Variants in LDLRAD4 observed in about 807,000 individuals in gnomAD.
LDLRAD4 encodes low-density lipoprotein receptor class A domain-containing protein 4.
A neutral mutation model predicts 17.0 loss-of-function variants in LDLRAD4; 5 were observed. The ratio of observed to expected loss-of-function variants is 0.29; its 90% CI spans 0.15 to 0.62. LDLRAD4 has a LOEUF of 0.62. Ranked by LOEUF, LDLRAD4 falls within the 20% of genes least tolerant of loss-of-function variation. The pLI, the probability that LDLRAD4 is intolerant of heterozygous loss-of-function variation, is 0.84. For synonymous variants in LDLRAD4, 168 were observed against 171.8 expected, an observed-to-expected ratio of 0.98 and a Z score of 0.17; for missense variants, 340 against 424.7, an observed-to-expected ratio of 0.80 and a Z score of 1.75.
At position 13,621,008 on chromosome 18, in the gene LDLRAD4, C is replaced by A. The variant is rs116609760; in HGVS notation, c.182-109C>A. 8 of 1,455,536 alleles carry A rather than the reference C, an allele frequency of 5.5e-6. No homozygotes were observed. Among genetic ancestry groups the A allele is most frequent in the Admixed American group, 3.4e-5 (2 of 58,546 alleles). The allele number at this position is 1,455,536 out of a possible 1,614,324, so 90.2% of individuals were successfully genotyped here. On this transcript the variant is annotated intron_variant, in intron 3 of 5. Transcript: ENST00000359446. The surrounding 1 kb of genome is among the most constrained non-coding windows in gnomAD (Gnocchi z 5.5). ...GTCCTGCTGGCCTCTGAGGAACAGA[C>A]GTGTGTGAGAGGCCTTCAGGGCCTG...
chr18:13,410,988 C>T lies in LDLRAD4; in HGVS notation c.40+23226C>T, dbSNP rs140098077. On this transcript the variant is annotated intron_variant, in intron 2 of 5. Transcript: ENST00000359446. Reference sequence around the variant, plus strand: ...AATACGGGCCAGGTGCGGTGGCTTACGCCTATAATCCCAGCACTTTGGGAG... The same window carrying T: ...AATACGGGCCAGGTGCGGTGGCTTATGCCTATAATCCCAGCACTTTGGGAG... Among the ~76,000 whole-genome samples the T allele has an allele frequency of 8.4e-4, 128 of 152,280 alleles. 3 individuals are homozygous for T. The East Asian group carries it at 0.019, about 23-fold the overall frequency.
chr18:13,541,390 T>A (rs2094280752), intron 3 of LDLRAD4, among the ~76,000 whole-genome samples: 1 of 152,174 alleles, frequency 6.6e-6, no homozygotes, highest in South Asian at 2.1e-4. Context: ...TCTATACTGT[T>A]CAGTGGAAAA....
chr18:13,572,132 A>T (rs1257254775), intron 3 of LDLRAD4, among the ~76,000 whole-genome samples: 1 of 152,238 alleles, frequency 6.6e-6, no homozygotes, highest in African/African-American at 2.4e-5. Context: ...AAACAGCGTT[A>T]CCCGAGGACT....
At chr18:13,554,949 A>C (rs2094469662) in intron 3 of LDLRAD4, among the ~76,000 whole-genome samples, 1 of 152,210 alleles carries the variant, frequency 6.6e-6, no homozygotes, top group East Asian at 1.9e-4. Context: ...CGTTGGCGTT[A>C]CAGTGCTATA....
chr18:13,429,512 T>A (rs1354196167), intron 2 of LDLRAD4, among the ~76,000 whole-genome samples: 1 of 152,238 alleles, frequency 6.6e-6, no homozygotes, highest in Admixed American at 6.5e-5. Context: ...AAGTTACCTG[T>A]CATTTGAATG....
At chr18:13,379,928 T>TGGGGGAGATCCCTG (rs2085210230) in intron 1 of LDLRAD4, among the ~76,000 whole-genome samples, 1 of 151,820 alleles carries the variant, frequency 6.6e-6, no homozygotes, top group Admixed American at 6.6e-5. Flanking sequence ...AAAGCTGGAG[T>TGGGGGAGATCCCTG]GGGGGAGATC....
At chr18:13,291,815 A>T (rs992412693) in intron 1 of LDLRAD4, among the ~76,000 whole-genome samples, 1 of 152,056 alleles carries the variant, frequency 6.6e-6, no homozygotes. Flanking sequence ...TTTCTTGAAG[A>T]TTGTGCTTTT....
chr18:13,299,543 A>T (rs2046461967), intron 1 of LDLRAD4, among the ~76,000 whole-genome samples: 1 of 152,208 alleles, frequency 6.6e-6, no homozygotes, highest in Non-Finnish European at 1.5e-5. Context: ...CTGGTGTGAC[A>T]CTTAAAAGTG....
intron 1 of LDLRAD4, among the ~76,000 whole-genome samples, chr18:13,230,547 T>G (rs1480451835): frequency 6.6e-6 from 1 of 152,052 alleles, no homozygotes; most frequent in African/African-American, 2.4e-5. Context: ...ACCTGTGTGC[T>G]TAGACATTTT....
At chr18:13,237,411 T>C (rs2042390176) in intron 1 of LDLRAD4, among the ~76,000 whole-genome samples, 1 of 152,198 alleles carries the variant, frequency 6.6e-6, no homozygotes, top group Non-Finnish European at 1.5e-5. Context: ...CTAGTTCATA[T>C]ACTTAGTACC....
intron 1 of LDLRAD4, among the ~76,000 whole-genome samples, chr18:13,252,606 G>A (rs1381560292): frequency 6.6e-6 from 1 of 152,210 alleles, no homozygotes; most frequent in East Asian, 1.9e-4. Flanking sequence ...CGAGGTTGGT[G>A]CTGCAGCTGC....
upstream of LDLRAD4, among the ~76,000 whole-genome samples, chr18:13,274,071 C>T (rs1377274169): frequency 6.6e-6 from 1 of 152,198 alleles, no homozygotes; most frequent in African/African-American, 2.4e-5. Flanking sequence ...CTTCTCTCCT[C>T]AGCGAGCGGC....
chr18:13,482,736 G>A (rs2093124040), intron 3 of LDLRAD4, among the ~76,000 whole-genome samples: 1 of 152,210 alleles, frequency 6.6e-6, no homozygotes, highest in Non-Finnish European at 1.5e-5. Context: ...CCCTGGGGGA[G>A]GTAGTGACAA....
At position 13,531,587 on chromosome 18, in the gene LDLRAD4, C is replaced by CTTTT. The variant is rs10680224; in HGVS notation, c.182-89513_182-89510dup. ...CTTAGGTGACAGAGCAAGACTCCAT[C>CTTTT]TTTTTTTTTTTTTTTTTTTTAAAGA... On this transcript the variant is annotated intron_variant, in intron 3 of 5. Coordinates refer to ENST00000359446, the Ensembl canonical transcript of LDLRAD4. 9.6e-3 allele frequency among the ~76,000 whole-genome samples: 1,196 copies of CTTTT among 124,570 alleles called. 25 individuals are homozygous for CTTTT. The highest frequency in any genetic ancestry group is 0.064 in the East Asian group (253 of 3,982). 81.7% of individuals were successfully genotyped at this position (124,570 alleles called of 152,430 possible). A position where few individuals can be genotyped will look rare whatever the true frequency, so the allele number is the denominator to read the frequency against.
At chr18:13,385,167 A>G (rs1352190787) in intron 1 of LDLRAD4, among the ~76,000 whole-genome samples, 3 of 152,204 alleles carry the variant, frequency 2.0e-5, no homozygotes, top group African/African-American at 7.2e-5. Context: ...GTCTTTGATA[A>G]TGACCATTCT....
At chr18:13,310,183 C>CA (rs5823247) in intron 1 of LDLRAD4, among the ~76,000 whole-genome samples, 13,999 of 139,092 alleles carry the variant, frequency 0.1, 777 homozygotes, top group African/African-American at 0.14. Flanking sequence ...CTGTCTCTAC[C>CA]AAAAAAAAAA....
chr18:13,515,305 AT>A (rs2093847742), intron 3 of LDLRAD4: 2 of 152,236 alleles, frequency 1.3e-5, no homozygotes, highest in Non-Finnish European at 2.9e-5. Flanking sequence ...AAGGATGAGT[AT>A]TTCTGACTTT....
chr18:13,537,771 G>A (rs930806146), intron 3 of LDLRAD4, among the ~76,000 whole-genome samples: 3 of 152,022 alleles, frequency 2.0e-5, no homozygotes, highest in African/African-American at 4.8e-5. Context: ...AACCACCTGG[G>A]CCTGGAATTT....
At chr18:13,566,524 G>A (rs1344082957) in intron 3 of LDLRAD4, among the ~76,000 whole-genome samples, 3 of 151,928 alleles carry the variant, frequency 2.0e-5, no homozygotes, top group South Asian at 2.1e-4. Context: ...CACCACGCCC[G>A]GCTGATCTTT....
Sources: allele counts gnomAD v4.1 joint callset (sites outside exome capture counted in the v4.1 genomes callset), GRCh38; gene constraint gnomAD v4.1.1; non-coding constraint Gnocchi (gnomAD v3.1); transcripts MANE v1.5; gene names NCBI Gene and HGNC (gene_info 2026-07-23, HGNC 2026-07-21).